Variants in METTL8 observed in about 807,000 individuals in gnomAD.
The protein encoded by METTL8 is tRNA N(3)-cytidine methyltransferase METTL8, mitochondrial.
In METTL8, 32 loss-of-function variants were observed where a neutral mutation model predicts 48.7. That is an observed-to-expected ratio of 0.66 (90% confidence interval 0.50 to 0.88). METTL8 has a LOEUF of 0.88. Ranked by LOEUF, METTL8 falls within the 40% of genes least tolerant of loss-of-function variation. METTL8 has a pLI of 0.00. For synonymous variants in METTL8, 136 were observed against 157.1 expected (o/e 0.87, Z 1.01); for missense variants, 464 against 474.4 (o/e 0.98, Z 0.20).
chr2:171,382,736 AG>A (rs1356064764), intron 2 of METTL8, among the ~76,000 whole-genome samples: 1 of 152,170 alleles, frequency 6.6e-6, no homozygotes, highest in Non-Finnish European at 1.5e-5. Flanking sequence ...AAAAAAAGAA[AG>A]AAAAAAAGAA....
chr2:171,365,238 T>G, intron 2 of METTL8, among the ~76,000 whole-genome samples: 1 of 152,128 alleles, frequency 6.6e-6, no homozygotes, highest in East Asian at 1.9e-4. Context: ...TAATCAAACA[T>G]CTTGGCTTCT....
rs571279989 is a variant in METTL8, at chr2:171,365,089, C to T, written c.144-4576G>A. The stretch of plus-strand genomic sequence containing the variant: ...GAGTTGGTCTCCCCTGTGTGAGACA[C>T]CCATGGGGAGCCATGGGCGGCATCT... On this transcript the variant is annotated intron_variant, in intron 2 of 9. Transcript: ENST00000375258. Among the ~76,000 whole-genome samples, 57 of 152,180 alleles carry T rather than the reference C, an allele frequency of 3.7e-4. 1 individual carries two copies. The South Asian group carries it at 9.8e-3, about 26-fold the overall frequency.
intron 1 of METTL8, among the ~76,000 whole-genome samples, chr2:171,397,123 C>T (rs72880595): frequency 0.1 from 15,159 of 151,490 alleles, 995 homozygotes; most frequent in Middle Eastern, 0.19. Context: ...TGCCTGGCCT[C>T]AGCTTCTATC....
At chr2:171,378,669 A>G (rs1490005307) in intron 2 of METTL8, among the ~76,000 whole-genome samples, 1 of 152,134 alleles carries the variant, frequency 6.6e-6, no homozygotes, top group East Asian at 1.9e-4. Context: ...GAAGGGTATT[A>G]CATAATGGTA....
At chr2:171,350,303 T>C (rs1231424257) in intron 3 of METTL8, among the ~76,000 whole-genome samples, 1 of 152,230 alleles carries the variant, frequency 6.6e-6, no homozygotes, top group Non-Finnish European at 1.5e-5. Context: ...CATCCTTTTT[T>C]ATAGCTGCAT....
intron 1 of METTL8, among the ~76,000 whole-genome samples, chr2:171,402,652 T>C (rs1395159008): frequency 6.6e-6 from 1 of 152,160 alleles, no homozygotes; most frequent in African/African-American, 2.4e-5. Flanking sequence ...TGAGAGGGCC[T>C]AGAAGTCATC....
intron 1 of METTL8, among the ~76,000 whole-genome samples, chr2:171,412,918 C>T (rs1399998478): frequency 6.6e-6 from 1 of 152,182 alleles, no homozygotes; most frequent in Non-Finnish European, 1.5e-5. Context: ...TTCTGGAAAA[C>T]CTGTGTTCAC....
At chr2:171,391,953 T>A in intron 2 of METTL8, 90 bp downstream of exon 2, 1 of 1,362,584 alleles carries the variant, frequency 7.3e-7, no homozygotes, top group Non-Finnish European at 9.9e-7. Flanking sequence ...TCATCAGCTT[T>A]AAAAACCCTT....
chr2:171,427,849 T>A (rs1037239860), intron 1 of METTL8, among the ~76,000 whole-genome samples: 3 of 152,202 alleles, frequency 2.0e-5, no homozygotes, highest in Non-Finnish European at 4.4e-5. Context: ...CTATACCCTA[T>A]GCCAAAACTT....
At chr2:171,334,306 A>T (rs1330053871) in intron 5 of METTL8, among the ~76,000 whole-genome samples, 1 of 152,134 alleles carries the variant, frequency 6.6e-6, no homozygotes, top group Non-Finnish European at 1.5e-5. Flanking sequence ...TCTAAGATGG[A>T]ATTCCCACTG....
rs934203148 is a variant in METTL8, at chr2:171,392,090, T to C, written c.96A>G (p.Gly32=). 12 of 1,551,554 alleles carry C rather than the reference T, an allele frequency of 7.7e-6. No homozygotes were observed. The African/African-American group carries it at 1.4e-4, about 18-fold the overall frequency. Residue 32 remains glycine (G), a synonymous_variant, in exon 2 of 10, where the codon GGA becomes GGG. Transcript: ENST00000375258. ...QSGYHPVAPL[G]SRILTDPAKV... Reference sequence around the variant, plus strand: ...TGGCTGGGTCAGTTAAAATCCTTGATCCCAGAGGGGCCACTGGGTGGTAAC... The same window carrying C: ...TGGCTGGGTCAGTTAAAATCCTTGACCCCAGAGGGGCCACTGGGTGGTAAC...
rs549903639 is a variant in METTL8, at chr2:171,343,462, T to TAAATAAATAAATAAATAAATAAAA, written c.236-3909_236-3908insTTTTATTTATTTATTTATTTATTT. Among the ~76,000 whole-genome samples the TAAATAAATAAATAAATAAATAAAA allele has an allele frequency of 1.0e-4, 15 of 150,720 alleles. 1 individual carries two copies. In the East Asian group the frequency reaches 2.5e-3, roughly 25 times the overall value. Reference sequence around the variant, plus strand: ...CTCAATAAATAAATAAATAAATAAATATAAAAAATAAAATAATAAAGGAAA... The same window carrying TAAATAAATAAATAAATAAATAAAA: ...CTCAATAAATAAATAAATAAATAAATAAATAAATAAATAAATAAATAAAAATAAAAAATAAAATAATAAAGGAAA... On this transcript the variant is annotated intron_variant, in intron 3 of 9. Coordinates refer to ENST00000375258, the MANE Select transcript of METTL8 (RefSeq NM_001321154.2).
intron 3 of METTL8, among the ~76,000 whole-genome samples, chr2:171,351,441 T>A (rs181555376): frequency 6.6e-6 from 1 of 152,212 alleles, no homozygotes; most frequent in Non-Finnish European, 1.5e-5. Context: ...GACTTGGCAA[T>A]GTGGGCTCTT....
At chr2:171,362,826 G>C (rs1180967386) in intron 2 of METTL8, among the ~76,000 whole-genome samples, 1 of 151,920 alleles carries the variant, frequency 6.6e-6, no homozygotes, top group African/African-American at 2.4e-5. Flanking sequence ...ATATAAATTG[G>C]GGCTGGCAAC....
intron 1 of METTL8, among the ~76,000 whole-genome samples, chr2:171,396,955 C>A (rs186433711): frequency 4.1e-4 from 61 of 150,084 alleles, no homozygotes; most frequent in African/African-American, 1.5e-3. Context: ...TCCCAAGTAG[C>A]TGGTACTACA....
intron 2 of METTL8, 103 bp from the exon 3 acceptor site, chr2:171,360,616 A>G: frequency 1.1e-6 from 1 of 942,100 alleles, no homozygotes; most frequent in Non-Finnish European, 1.6e-6. Flanking sequence ...CTGAAGACAT[A>G]TGATACAGAC....
At chr2:171,402,909 T>G (rs1689786674) in intron 1 of METTL8, among the ~76,000 whole-genome samples, 1 of 152,164 alleles carries the variant, frequency 6.6e-6, no homozygotes, top group South Asian at 2.1e-4. Context: ...ACTGAACGTG[T>G]AGCCAATGGC....
intron 2 of METTL8, among the ~76,000 whole-genome samples, chr2:171,385,736 C>A (rs1687987840): frequency 6.6e-6 from 1 of 152,190 alleles, no homozygotes; most frequent in Admixed American, 6.5e-5. Flanking sequence ...GTCCTCTTGG[C>A]TGCTAGAGTA....
At chr2:171,343,481 A>C (rs1686983231) in intron 3 of METTL8, among the ~76,000 whole-genome samples, 1 of 151,742 alleles carries the variant, frequency 6.6e-6, no homozygotes, top group South Asian at 2.1e-4. Context: ...TAAAATAATA[A>C]AGGAAAATAA....
Sources: gnomAD v4.1 joint callset for allele counts (sites outside exome capture counted in the v4.1 genomes callset) on GRCh38, gnomAD v4.1.1 for gene constraint, MANE v1.5 for transcripts, NCBI Gene and HGNC (gene_info 2026-07-23, HGNC 2026-07-21) for gene names.